The following POLD3 variants were observed in gnomAD, a reference collection of about 807,000 sequenced individuals.
The protein encoded by POLD3 is DNA polymerase delta 3, accessory subunit, also known as DNA polymerase delta subunit 3.
A neutral mutation model predicts 58.2 loss-of-function variants in POLD3; 19 were observed. The ratio of observed to expected loss-of-function variants is 0.33; its 90% CI spans 0.23 to 0.48. The LOEUF is 0.48. POLD3 is among the 20% of genes least tolerant of loss of function. The pLI, the probability that POLD3 is intolerant of heterozygous loss-of-function variation, is 0.99. For synonymous variants in POLD3, 172 were observed against 193.5 expected, an observed-to-expected ratio of 0.89 and a Z score of 0.92; for missense variants, 504 against 545.5, an observed-to-expected ratio of 0.92 and a Z score of 0.76.
In POLD3 at chr11:74,641,688, A is replaced by G. The variant is rs2032918530; in HGVS notation, c.*922A>G. On this transcript the variant is annotated 3_prime_UTR_variant, in exon 12 of 12. Transcript: ENST00000263681. ...CTATATACAGTGTGCTACATTTACA[A>G]AAAATTTCTCCTTAAGAAAACAGAA... is the stretch of plus-strand genomic sequence containing the variant. The G allele has an allele frequency of 4.6e-5, 45 of 985,206 alleles. No individual in the cohort carries two copies. Among genetic ancestry groups the G allele is most frequent in the Non-Finnish European group, 5.4e-5 (45 of 829,832 alleles). 61.0% of individuals were successfully genotyped at this position (985,206 alleles called of 1,614,324 possible).
chr11:74,640,151 CAG>C (rs2032871561), intron 11 of POLD3, among the ~76,000 whole-genome samples: 1 of 152,044 alleles, frequency 6.6e-6, no homozygotes, highest in Non-Finnish European at 1.5e-5. Flanking sequence ...CATTGTAGGT[CAG>C]AGAGGTGATA....
chr11:74,593,960 T>C, intron 1 of POLD3, 101 bp from the exon 2 acceptor site: 1 of 686,158 alleles, frequency 1.5e-6, no homozygotes, highest in Non-Finnish European at 2.6e-6. Context: ...TTGTAAGGCA[T>C]AATCATCTAA....
Position 74,594,107 on chromosome 11 carries a change from A to G in POLD3, c.107A>G (p.Gln36Arg). ...LSYTLGVHVN[Q>R]AKQMLYDYVE... Reference sequence around the variant, plus strand: ...TATACACTAGGGGTTCATGTTAACCAGGCCAAACAGTAAGTCCAATTTACT... The same window carrying G: ...TATACACTAGGGGTTCATGTTAACCGGGCCAAACAGTAAGTCCAATTTACT... The change falls in exon 2 of 12, where the codon CAG becomes CGG. Residue 36 changes from glutamine to arginine, a missense_variant. This residue lies in a region of POLD3 where 119 missense variants were observed against 175.0 expected (regional missense o/e 0.68). Transcript: ENST00000263681. 1.9e-6 allele frequency: 3 copies of G among 1,592,670 alleles called. No homozygotes were observed. Among genetic ancestry groups the G allele is most frequent in the Non-Finnish European group, 2.6e-6 (3 of 1,160,666 alleles).
At chr11:74,625,611 A>G (rs200546900) in intron 8 of POLD3, 38 bp downstream of exon 8, 1 of 1,556,556 alleles carries the variant, frequency 6.4e-7, no homozygotes, top group East Asian at 2.3e-5. Flanking sequence ...AAGAGTCTTT[A>G]CTGGGGGTGA....
At chr11:74,635,142 G>A (rs186587912) in intron 10 of POLD3, among the ~76,000 whole-genome samples, 3 of 152,130 alleles carry the variant, frequency 2.0e-5, no homozygotes, top group Non-Finnish European at 4.4e-5. Flanking sequence ...AGCTTTGAAC[G>A]CTCTTCAGCT....
In POLD3 at chr11:74,641,065, G is replaced by A. The variant is rs889866231; in HGVS notation, c.*299G>A. The A allele has an allele frequency of 3.8e-6, 4 of 1,049,926 alleles. No homozygotes were observed. The South Asian group carries it at 1.3e-4, about 34-fold the overall frequency. 65.0% of individuals were successfully genotyped at this position (1,049,926 alleles called of 1,614,324 possible). On this transcript the variant is annotated 3_prime_UTR_variant, in exon 12 of 12. Coordinates refer to ENST00000263681, the MANE Select transcript of POLD3 (RefSeq NM_006591.3). ...AACAGTTTTCAGAATTCTCACTGAA[G>A]CCATTTAGTGGCTAACCCACTGTGC...
Position 74,640,829 on chromosome 11 carries a change from C to T in POLD3, c.*63C>T. The stretch of plus-strand genomic sequence containing the variant: ...AAGGGAGAAGACCAAGAAATGTACT[C>T]CTCACTTACTATGTAAGTTCATCTA... On this transcript the variant is annotated 3_prime_UTR_variant, in exon 12 of 12. Coordinates refer to ENST00000263681, the MANE Select transcript of POLD3 (RefSeq NM_006591.3). 7.0e-7 allele frequency: 1 copy of T among 1,424,088 alleles called. No homozygotes were observed. Among genetic ancestry groups the T allele is most frequent in the Admixed American group, 2.9e-5 (1 of 34,180 alleles). The allele number at this position is 1,424,088 out of a possible 1,614,324, so 88.2% of individuals were successfully genotyped here. A position where few individuals can be genotyped will look rare whatever the true frequency, so the allele number is the denominator to read the frequency against.
At chr11:74,613,098 C>A in intron 5 of POLD3, 88 bp downstream of exon 5, 1 of 1,173,842 alleles carries the variant, frequency 8.5e-7, no homozygotes, top group Non-Finnish European at 1.2e-6. Context: ...GAGTGAATGC[C>A]AAGTCTAGTA....
At chr11:74,611,453 T>C (rs773963037) in intron 3 of POLD3, 46 bp from the exon 4 acceptor site, 3 of 1,189,836 alleles carry the variant, frequency 2.5e-6, no homozygotes, top group South Asian at 1.3e-5. Flanking sequence ...AAACTAAAAT[T>C]GCAGATTCTT....
rs1158260012 is a variant in POLD3, at chr11:74,631,477, C to CTTT, written c.1006+2172_1006+2174dup. Among the ~76,000 whole-genome samples the CTTT allele has an allele frequency of 1.6e-3, 172 of 110,234 alleles. 1 individual carries two copies. The highest frequency in any genetic ancestry group is 1.9e-3 in the Non-Finnish European group (106 of 56,058). The allele number at this position is 110,234 out of a possible 152,430, so 72.3% of individuals were successfully genotyped here. ...ATGGTTTTCTTTTGTTTTGTCTTGT[C>CTTT]TTTTTTTTTTTTTTTTTTTTGAGAC... On this transcript the variant is annotated intron_variant, in intron 9 of 11. Transcript: ENST00000263681.
intron 4 of POLD3, among the ~76,000 whole-genome samples, chr11:74,661,597 C>G (rs2033207803): frequency 6.6e-6 from 1 of 152,192 alleles, no homozygotes; most frequent in Admixed American, 6.5e-5. Context: ...ACACAAACAC[C>G]CCTGTGGCCA....
At chr11:74,607,248 T>TTATA (rs775798559) in intron 3 of POLD3, among the ~76,000 whole-genome samples, 1 of 95,972 alleles carries the variant, frequency 1.0e-5, no homozygotes, top group Non-Finnish European at 1.9e-5. Context: ...TATTATATAT[T>TTATA]TATTTATTTA....
intron 4 of POLD3, among the ~76,000 whole-genome samples, chr11:74,650,064 C>T (rs1236867268): frequency 6.6e-6 from 1 of 152,164 alleles, no homozygotes; most frequent in Non-Finnish European, 1.5e-5. Context: ...TTGTATCTAC[C>T]TCAAGGTTAT....
chr11:74,630,375 AACAG>A (rs1415799503), intron 9 of POLD3, among the ~76,000 whole-genome samples: 4 of 152,216 alleles, frequency 2.6e-5, no homozygotes, highest in African/African-American at 7.2e-5. Flanking sequence ...AAAAGAAATG[AACAG>A]ACCCAAGAAA....
chr11:74,648,572 C>T (rs2033030189), intron 4 of POLD3, among the ~76,000 whole-genome samples: 1 of 152,124 alleles, frequency 6.6e-6, no homozygotes, highest in African/African-American at 2.4e-5. Context: ...GAAGGGCATA[C>T]CAGGCAGAAG....
At chr11:74,598,155 G>T (rs977005942) in intron 2 of POLD3, among the ~76,000 whole-genome samples, 2 of 152,150 alleles carry the variant, frequency 1.3e-5, no homozygotes, top group Admixed American at 1.3e-4. Context: ...CTATACTAAA[G>T]CTTTCAGATT....
At chr11:74,630,734 G>A (rs888425305) in intron 9 of POLD3, among the ~76,000 whole-genome samples, 1 of 152,180 alleles carries the variant, frequency 6.6e-6, no homozygotes, top group African/African-American at 2.4e-5. Flanking sequence ...TTTCCAATCA[G>A]TAAAAGACCT....
chr11:74,640,961 G>T lies in POLD3; in HGVS notation c.*195G>T, dbSNP rs966810923. 1.6e-6 allele frequency: 2 copies of T among 1,266,734 alleles called. No homozygotes were observed. Among genetic ancestry groups the T allele is most frequent in the African/African-American group, 1.5e-5 (1 of 64,990 alleles). The allele number at this position is 1,266,734 out of a possible 1,614,324, so 78.5% of individuals were successfully genotyped here. A position where few individuals can be genotyped will look rare whatever the true frequency, so the allele number is the denominator to read the frequency against. On this transcript the variant is annotated 3_prime_UTR_variant, in exon 12 of 12. Transcript: ENST00000263681. The stretch of plus-strand genomic sequence containing the variant: ...ATCATCTGGAAGCAGGAGGCAAAAA[G>T]CTGTTACCTTCTAATGACATTTAAA...
chr11:74,640,276 T>C (rs2032874617), intron 11 of POLD3, among the ~76,000 whole-genome samples: 1 of 152,176 alleles, frequency 6.6e-6, no homozygotes, highest in Non-Finnish European at 1.5e-5. Flanking sequence ...ATAAAGGATT[T>C]AGGCAATTCA....
Sources: allele counts gnomAD v4.1 joint callset (sites outside exome capture counted in the v4.1 genomes callset), GRCh38; gene constraint gnomAD v4.1.1; regional missense constraint gnomAD v4.1.1; transcripts MANE v1.5; gene names NCBI Gene and HGNC (gene_info 2026-07-23, HGNC 2026-07-21).